DRC1: variants seen among roughly 807,000 people sequenced by gnomAD.
The protein encoded by DRC1 is dynein regulatory complex subunit 1.
A neutral mutation model predicts 98.7 loss-of-function variants in DRC1; 74 were observed. The ratio of observed to expected loss-of-function variants is 0.75; its 90% CI spans 0.62 to 0.91. The LOEUF is 0.91. DRC1 is among the 40% of genes least tolerant of loss of function. The pLI, the probability that DRC1 is intolerant of heterozygous loss-of-function variation, is 0.00. For synonymous variants in DRC1, 336 were observed against 334.1 expected (o/e 1.01, Z -0.06); for missense variants, 875 against 886.0 (o/e 0.99, Z 0.16).
chr2:26,455,637 A>G (rs1664134846), intron 16 of DRC1, among the ~76,000 whole-genome samples: 1 of 152,234 alleles, frequency 6.6e-6, no homozygotes, highest in South Asian at 2.1e-4. Context: ...ACAAAGGACA[A>G]TCACAACTTG....
At chr2:26,434,967 G>C (rs183903062) in intron 7 of DRC1, among the ~76,000 whole-genome samples, 105 of 152,246 alleles carry the variant, frequency 6.9e-4, no homozygotes, top group African/African-American at 2.4e-3. Flanking sequence ...GGGAGCAACA[G>C]TGTGGCCTGA....
At chr2:26,418,988 A>C (rs2147983953) in intron 2 of DRC1, among the ~76,000 whole-genome samples, 1 of 150,358 alleles carries the variant, frequency 6.7e-6, no homozygotes, top group South Asian at 2.1e-4. Flanking sequence ...TCCTGGGTTC[A>C]CGCGATTCCC....
chr2:26,447,755 C>T (rs1198544982), intron 10 of DRC1, among the ~76,000 whole-genome samples: 5 of 151,004 alleles, frequency 3.3e-5, no homozygotes, highest in African/African-American at 4.9e-5. Context: ...TTAGTAGAGA[C>T]GGGGTTTTGC....
At chr2:26,452,278 C>CA in intron 13 of DRC1, among the ~76,000 whole-genome samples, 3 of 152,196 alleles carry the variant, frequency 2.0e-5, no homozygotes, top group Middle Eastern at 6.8e-3. Flanking sequence ...TTTTTTGAGA[C>CA]AGAGTCTCAC....
intron 7 of DRC1, among the ~76,000 whole-genome samples, chr2:26,434,285 C>G (rs1185278126): frequency 6.6e-6 from 1 of 152,150 alleles, no homozygotes; most frequent in Admixed American, 6.5e-5. Flanking sequence ...AATAACAGAG[C>G]AAAGAGAAGC....
intron 2 of DRC1, 86 bp from the exon 3 acceptor site, chr2:26,421,202 C>T (rs1261030273): frequency 1.1e-5 from 13 of 1,207,280 alleles, no homozygotes; most frequent in Non-Finnish European, 1.5e-5. Context: ...ATAGAAGCTG[C>T]GGACAGTTGT....
At chr2:26,435,547 A>C (rs369813762) in intron 7 of DRC1, among the ~76,000 whole-genome samples, 1 of 152,230 alleles carries the variant, frequency 6.6e-6, no homozygotes, top group East Asian at 1.9e-4. Flanking sequence ...CTCGATAGGT[A>C]GTTTTTTGAT....
intron 1 of DRC1, among the ~76,000 whole-genome samples, chr2:26,408,859 C>T (rs988016077): frequency 2.6e-5 from 4 of 152,172 alleles, no homozygotes; most frequent in Admixed American, 2.6e-4. Flanking sequence ...CCCACGCTGA[C>T]ATGCACAGTT....
At position 26,453,485 on chromosome 2, in the gene DRC1, G is replaced by A; in HGVS notation, c.1855G>A (p.Val619Ile). 2 of 1,614,168 alleles carry A rather than the reference G, an allele frequency of 1.2e-6. No individual in the cohort carries two copies. The highest frequency in any genetic ancestry group is 1.1e-5 in the South Asian group (1 of 91,082). ...GGAGGAGACCCCACCCTCCCCCTGGGTCATCCACCCCAATGATGTCCTCAA... is the reference window on the plus strand; with the variant it reads ...GGAGGAGACCCCACCCTCCCCCTGGATCATCCACCCCAATGATGTCCTCAA... ...EEEETPPSPW[V>I]IHPNDVLKIL... is the part of the protein sequence containing the mutation. Residue 619 changes from valine (V) to isoleucine (I), a missense_variant, in exon 14 of 17, where the codon GTC becomes ATC. Transcript: ENST00000288710.
chr2:26,431,821 C>A, intron 6 of DRC1, 63 bp from the exon 7 acceptor site: 4 of 1,598,818 alleles, frequency 2.5e-6, no homozygotes, highest in Non-Finnish European at 3.4e-6. Flanking sequence ...GGCAGGCCAT[C>A]CGAAGGATTG....
intron 2 of DRC1, 135 bp downstream of exon 2, chr2:26,414,566 A>G (rs1183480757): frequency 2.7e-6 from 2 of 741,224 alleles, no homozygotes; most frequent in African/African-American, 3.6e-5. Flanking sequence ...AATCTTTCCC[A>G]TTTGAGAGCT....
intron 1 of DRC1, among the ~76,000 whole-genome samples, chr2:26,403,523 C>T (rs1052720318): frequency 1.3e-5 from 2 of 152,068 alleles, no homozygotes; most frequent in Non-Finnish European, 2.9e-5. Flanking sequence ...TGTAAAAAAT[C>T]GTAGCTCATG....
chr2:26,446,368 G>C (rs1572381788), intron 10 of DRC1, among the ~76,000 whole-genome samples: 1 of 152,152 alleles, frequency 6.6e-6, no homozygotes, highest in Non-Finnish European at 1.5e-5. Context: ...TTACAGGCTT[G>C]TGTCACCATG....
chr2:26,450,703 A>G, intron 13 of DRC1, 22 bp downstream of exon 13: 1 of 1,517,206 alleles, frequency 6.6e-7, no homozygotes, highest in East Asian at 2.3e-5. Flanking sequence ...TGCAGAGAGA[A>G]GAAAGCATTT....
intron 7 of DRC1, among the ~76,000 whole-genome samples, chr2:26,432,550 A>G (rs1230388743): frequency 6.6e-6 from 1 of 150,690 alleles, no homozygotes; most frequent in Non-Finnish European, 1.5e-5. Flanking sequence ...GAAAGAAAAG[A>G]AAGAAAGGAA....
chr2:26,443,697 G>T (rs1444870692), intron 8 of DRC1, among the ~76,000 whole-genome samples: 1 of 152,214 alleles, frequency 6.6e-6, no homozygotes, highest in African/African-American at 2.4e-5. Context: ...TGAATACGTG[G>T]ATGAGTGAAT....
At chr2:26,435,847 TC>T (rs1663555536) in intron 7 of DRC1, among the ~76,000 whole-genome samples, 1 of 152,132 alleles carries the variant, frequency 6.6e-6, no homozygotes, top group Admixed American at 6.6e-5. Flanking sequence ...ATTTTAAAAA[TC>T]CATTCTACCG....
chr2:26,432,300 C>G (rs1463450556), intron 7 of DRC1, among the ~76,000 whole-genome samples: 3 of 152,008 alleles, frequency 2.0e-5, no homozygotes, highest in Non-Finnish European at 4.4e-5. Flanking sequence ...AGTTCGAGAC[C>G]AACCTGGGCA....
chr2:26,402,708 C>G (rs1009124902), intron 1 of DRC1, among the ~76,000 whole-genome samples: 19 of 152,204 alleles, frequency 1.2e-4, no homozygotes, highest in African/African-American at 4.3e-4. Context: ...GATAGGCTAT[C>G]CCAGCATCCC....
Sources: gnomAD v4.1 joint callset for allele counts (sites outside exome capture counted in the v4.1 genomes callset) on GRCh38, gnomAD v4.1.1 for gene constraint, MANE v1.5 for transcripts, NCBI Gene and HGNC (gene_info 2026-07-23, HGNC 2026-07-21) for gene names.